The following KAZN variants were observed in gnomAD, a reference collection of about 807,000 sequenced individuals.
KAZN encodes kazrin.
In KAZN, 40 loss-of-function variants were observed where a neutral mutation model predicts 87.4. The ratio of observed to expected loss-of-function variants is 0.46; its 90% confidence interval spans 0.36 to 0.60. The LOEUF (loss-of-function observed/expected upper bound fraction) is 0.60, where lower values mean the gene tolerates loss of function less well. Ranked by LOEUF, KAZN falls within the 20% of genes least tolerant of loss-of-function variation. The pLI is 0.00. For missense variants in KAZN, 898 were observed against 1,073.9 expected (o/e 0.84, Z 2.29); for synonymous variants, 466 against 458.3 (o/e 1.02, Z -0.22).
At chr1:15,087,899 C>T (rs1486007327) in intron 8 of KAZN, among the ~76,000 whole-genome samples, 1 of 152,198 alleles carries the variant, frequency 6.6e-6, no homozygotes, top group Non-Finnish European at 1.5e-5. Context: ...TCACACCATC[C>T]TGTGAGATTA....
chr1:14,829,247 T>G (rs192988076), intron 1 of KAZN, among the ~76,000 whole-genome samples: 1 of 152,350 alleles, frequency 6.6e-6, no homozygotes, highest in East Asian at 1.9e-4. Flanking sequence ...ACTTTATGGT[T>G]CCTTGTTCAT....
intron 2 of KAZN, 34 bp downstream of exon 2, chr1:14,960,909 G>A (rs1322190271): frequency 6.3e-7 from 1 of 1,579,540 alleles, no homozygotes. Context: ...TCCTTCGCTG[G>A]GAGCTCAGGC....
At position 14,798,416 on chromosome 1, in the gene KAZN, C is replaced by CTTT. The variant is rs545959773; in HGVS notation, c.227-162241_227-162239dup. ...TTGCTTTCTTTTTTCTGTTTCTTTC[C>CTTT]TTTTTTTTTTTTTTTTTTTTTTTTT... On this transcript the variant is annotated intron_variant, in intron 1 of 14. Coordinates refer to ENST00000376030, the MANE Select transcript of KAZN (RefSeq NM_201628.3). Among the ~76,000 whole-genome samples, 725 of 88,140 alleles carry CTTT rather than the reference C, an allele frequency of 8.2e-3. 62 individuals are homozygous for CTTT. The highest frequency in any genetic ancestry group is 0.012 in the Non-Finnish European group (586 of 48,864). The allele number at this position is 88,140 out of a possible 152,430, so 57.8% of individuals were successfully genotyped here.
chr1:14,466,383 C>T (rs1248967048), intron 2 of KAZN, among the ~76,000 whole-genome samples: 1 of 151,614 alleles, frequency 6.6e-6, no homozygotes, highest in African/African-American at 2.4e-5. Context: ...CCTCAGCAAA[C>T]TAATGCAGGA....
intron 2 of KAZN, among the ~76,000 whole-genome samples, chr1:14,514,567 C>A (rs186180583): frequency 0.4 from 12,715 of 31,912 alleles, 2,833 homozygotes; most frequent in Middle Eastern, 0.7. Flanking sequence ...TATATATTTT[C>A]TATATATTTT....
chr1:15,065,015 G>A lies in KAZN; in HGVS notation c.1099-615G>A, dbSNP rs568934408. Among the ~76,000 whole-genome samples the A allele has an allele frequency of 2.1e-5, 3 of 144,542 alleles. No homozygotes were observed. In the South Asian group the frequency reaches 6.5e-4, roughly 31 times the overall value. 94.8% of individuals were successfully genotyped at this position (144,542 alleles called of 152,430 possible). On this transcript the variant is annotated intron_variant, in intron 7 of 14. Coordinates refer to ENST00000376030, the MANE Select transcript of KAZN (RefSeq NM_201628.3). ...TGGCACACCAGACACCGTCCTTGGGGTCTTTTTCTTTCTTTTTTTTTTTTT... is the reference window on the plus strand; with the variant it reads ...TGGCACACCAGACACCGTCCTTGGGATCTTTTTCTTTCTTTTTTTTTTTTT...
intron 1 of KAZN, among the ~76,000 whole-genome samples, chr1:14,176,838 A>C (rs773549710): frequency 4.6e-5 from 7 of 152,210 alleles, no homozygotes; most frequent in Non-Finnish European, 1.0e-4. Context: ...TCTACCTTCA[A>C]ATAACATTAT....
At chr1:14,463,490 T>C (rs1421736787) in intron 2 of KAZN, among the ~76,000 whole-genome samples, 1 of 152,190 alleles carries the variant, frequency 6.6e-6, no homozygotes, top group Non-Finnish European at 1.5e-5. Context: ...ATTAGTATAT[T>C]TCTATAAGGT....
intron 2 of KAZN, among the ~76,000 whole-genome samples, chr1:15,008,882 T>C (rs1428952310): frequency 6.6e-6 from 1 of 152,196 alleles, no homozygotes; most frequent in African/African-American, 2.4e-5. Context: ...TGCATCCTCA[T>C]CACTTAGTGC....
chr1:14,999,501 T>TCCCCC (rs1049861453), intron 2 of KAZN, among the ~76,000 whole-genome samples: 5 of 74,666 alleles, frequency 6.7e-5, no homozygotes, highest in African/African-American at 2.9e-4. Flanking sequence ...CCTGCCCCCC[T>TCCCCC]CCCCCCGCCC....
chr1:14,418,431 TTTA>T (rs1189728646), intron 2 of KAZN, among the ~76,000 whole-genome samples: 4 of 152,284 alleles, frequency 2.6e-5, no homozygotes, highest in African/African-American at 9.6e-5. Flanking sequence ...GGCCACTACT[TTTA>T]TTATTACTGT....
At chr1:14,717,617 T>C (rs571022580) in intron 1 of KAZN, among the ~76,000 whole-genome samples, 71 of 152,320 alleles carry the variant, frequency 4.7e-4, no homozygotes, top group Non-Finnish European at 7.8e-4. Flanking sequence ...TCTTGACCTT[T>C]ACCTTAATTA....
chr1:14,204,381 G>A (rs1011796100), intron 2 of KAZN, among the ~76,000 whole-genome samples: 1 of 152,178 alleles, frequency 6.6e-6, no homozygotes, highest in Non-Finnish European at 1.5e-5. Context: ...AGACAAGGTA[G>A]TGCAGACAAC....
chr1:14,359,384 T>C (rs1265579788), intron 2 of KAZN, among the ~76,000 whole-genome samples: 3 of 152,212 alleles, frequency 2.0e-5, no homozygotes, highest in Admixed American at 2.0e-4. Context: ...CTTGACTCTT[T>C]ATCCAACTTG....
At chr1:14,946,439 G>A (rs538316348) in intron 1 of KAZN, among the ~76,000 whole-genome samples, 9 of 151,006 alleles carry the variant, frequency 6.0e-5, no homozygotes, top group South Asian at 2.1e-4. Flanking sequence ...CCGGGTTCAC[G>A]CCATTCTCCT....
At chr1:15,058,573 G>C (rs564099300) in intron 5 of KAZN, among the ~76,000 whole-genome samples, 48 of 152,304 alleles carry the variant, frequency 3.2e-4, no homozygotes, top group African/African-American at 1.1e-3. Flanking sequence ...TGTGGCTTCT[G>C]GTCTGGACCT....
chr1:14,268,618 A>G (rs1180198349), intron 2 of KAZN, among the ~76,000 whole-genome samples: 1 of 152,100 alleles, frequency 6.6e-6, no homozygotes, highest in African/African-American at 2.4e-5. Flanking sequence ...GTGGGTGATA[A>G]TTTCCCTCTC....
At chr1:14,378,513 C>T (rs1327001882) in intron 2 of KAZN, among the ~76,000 whole-genome samples, 1 of 152,196 alleles carries the variant, frequency 6.6e-6, no homozygotes, top group Non-Finnish European at 1.5e-5. Flanking sequence ...AAACTGTCGA[C>T]ATTACCCCCT....
At chr1:14,897,335 G>A (rs1655384301) in intron 1 of KAZN, among the ~76,000 whole-genome samples, 1 of 152,052 alleles carries the variant, frequency 6.6e-6, no homozygotes, top group Admixed American at 6.6e-5. Context: ...GATTGGCCTA[G>A]GTCTGAACTC....
Sources: gnomAD v4.1 joint callset for allele counts (sites outside exome capture counted in the v4.1 genomes callset) on GRCh38, gnomAD v4.1.1 for gene constraint, MANE v1.5 for transcripts, NCBI Gene and HGNC (gene_info 2026-07-23, HGNC 2026-07-21) for gene names.